The following SETD3 variants were observed in gnomAD, a reference collection of about 807,000 sequenced individuals.
SETD3 encodes SET domain containing 3, actin N3(tau)-histidine methyltransferase, also known as actin-histidine N-methyltransferase.
In SETD3, 19 loss-of-function variants were observed where a neutral mutation model predicts 63.0. The ratio of observed to expected loss-of-function variants is 0.30; its 90% CI spans 0.21 to 0.44. The LOEUF (loss-of-function observed/expected upper bound fraction) is 0.44. Ranked by LOEUF, SETD3 falls within the 20% of genes least tolerant of loss-of-function variation. The pLI, the probability that SETD3 is intolerant of heterozygous loss-of-function variation, is 1.00. For synonymous variants in SETD3, 286 were observed against 264.1 expected, an observed-to-expected ratio of 1.08 and a Z score of -0.80; for missense variants, 587 against 728.5, an observed-to-expected ratio of 0.81 and a Z score of 2.24.
intron 6 of SETD3, among the ~76,000 whole-genome samples, chr14:99,426,126 C>G (rs953394676): frequency 6.6e-6 from 1 of 152,164 alleles, no homozygotes; most frequent in African/African-American, 2.4e-5. Context: ...ATCCGCCCCC[C>G]CATCCACTTA....
chr14:99,457,174 C>T (rs1208889911), intron 6 of SETD3, among the ~76,000 whole-genome samples: 1 of 152,202 alleles, frequency 6.6e-6, no homozygotes, highest in Non-Finnish European at 1.5e-5. Context: ...TTTGATTTGG[C>T]TTCATCAATA....
intron 8 of SETD3, among the ~76,000 whole-genome samples, chr14:99,409,628 C>G (rs895955956): frequency 1.3e-5 from 2 of 151,842 alleles, no homozygotes; most frequent in Non-Finnish European, 2.9e-5. Context: ...ACACACACAT[C>G]CCTAAGATGG....
intron 4 of SETD3, 27 bp downstream of exon 4, chr14:99,461,165 C>T (rs776822741): frequency 4.3e-6 from 7 of 1,613,058 alleles, no homozygotes; most frequent in Non-Finnish European, 5.9e-6. Context: ...ACATAGACCC[C>T]TTGAGACCAA....
chr14:99,432,894 G>C (rs1206944823), intron 6 of SETD3, among the ~76,000 whole-genome samples: 1 of 152,164 alleles, frequency 6.6e-6, no homozygotes, highest in Admixed American at 6.5e-5. Context: ...TCTTGGTGGA[G>C]AACCGGTGGG....
intron 2 of SETD3, 61 bp from the exon 3 acceptor site, chr14:99,463,639 G>T: frequency 7.5e-7 from 1 of 1,335,786 alleles, no homozygotes; most frequent in Non-Finnish European, 1.1e-6. Context: ...CTACTAGTCT[G>T]CACAAGAAAG....
At chr14:99,399,302 C>T (rs1333729058) in intron 12 of SETD3, among the ~76,000 whole-genome samples, 177 bp from the exon 13 acceptor site, 1 of 152,130 alleles carries the variant, frequency 6.6e-6, no homozygotes, top group Non-Finnish European at 1.5e-5. Context: ...ACGTACGCTT[C>T]AGAAGTATGC....
chr14:99,424,893 G>A (rs766225134), intron 6 of SETD3, among the ~76,000 whole-genome samples: 2 of 152,038 alleles, frequency 1.3e-5, no homozygotes, highest in Admixed American at 6.6e-5. Context: ...GAGACTCACC[G>A]GCCAGGCTGA....
chr14:99,468,905 G>T (rs1386843337), intron 1 of SETD3, among the ~76,000 whole-genome samples: 1 of 152,132 alleles, frequency 6.6e-6, no homozygotes, highest in African/African-American at 2.4e-5. Flanking sequence ...CACATGGCAG[G>T]TGCTACACAG....
At chr14:99,437,826 T>A (rs1893573375) in intron 6 of SETD3, among the ~76,000 whole-genome samples, 1 of 152,218 alleles carries the variant, frequency 6.6e-6, no homozygotes, top group Non-Finnish European at 1.5e-5. Context: ...CTACATTAAC[T>A]GAAATTCTTC....
Position 99,458,666 on chromosome 14 carries a change from A to G in SETD3, c.419-131T>C, listed in dbSNP as rs564566089. 1.0e-4 allele frequency: 114 copies of G among 1,144,860 alleles called. No individual in the cohort carries two copies. The African/African-American group carries it at 1.7e-3, about 17-fold the overall frequency. 70.9% of individuals were successfully genotyped at this position (1,144,860 alleles called of 1,614,324 possible). A position where few individuals can be genotyped will look rare whatever the true frequency, so the allele number is the denominator to read the frequency against. ...TTAAAGTCAGGTACAGGCTGGGCGC[A>G]GTGGCTCACACCTGTAATCCTAGCA... On this transcript the variant is annotated intron_variant, in intron 5 of 12. Transcript: ENST00000331768.
intron 6 of SETD3, among the ~76,000 whole-genome samples, chr14:99,445,051 G>T (rs1290301452): frequency 6.6e-6 from 1 of 152,148 alleles, no homozygotes; most frequent in Non-Finnish European, 1.5e-5. Context: ...ACAGTGTTCA[G>T]GCCATATCAA....
chr14:99,442,346 CTG>C (rs1300126859), intron 6 of SETD3, among the ~76,000 whole-genome samples: 1 of 152,226 alleles, frequency 6.6e-6, no homozygotes, highest in African/African-American at 2.4e-5. Flanking sequence ...AGCACCATCT[CTG>C]TGTTGGGCAC....
chr14:99,427,900 T>C (rs558852117), intron 6 of SETD3, among the ~76,000 whole-genome samples: 2 of 151,878 alleles, frequency 1.3e-5, no homozygotes, highest in South Asian at 4.2e-4. Context: ...ACAGAGGAGG[T>C]GGCATGCGAG....
At chr14:99,413,238 G>C in intron 7 of SETD3, 173 bp from the exon 8 acceptor site, 2 of 576,354 alleles carry the variant, frequency 3.5e-6, no homozygotes, top group South Asian at 2.1e-5. Flanking sequence ...CCCAGGGTTT[G>C]AAAGAGCCAG....
At chr14:99,428,247 T>A (rs1892990303) in intron 6 of SETD3, among the ~76,000 whole-genome samples, 1 of 152,180 alleles carries the variant, frequency 6.6e-6, no homozygotes. Flanking sequence ...TTGAGAGGTG[T>A]CAGTAAGTTA....
chr14:99,435,448 T>C (rs1893424944), intron 6 of SETD3, among the ~76,000 whole-genome samples: 1 of 152,154 alleles, frequency 6.6e-6, no homozygotes, highest in African/African-American at 2.4e-5. Context: ...GCTTGTCAAC[T>C]AGGGATTCAA....
chr14:99,415,936 G>C (rs1436316456), intron 6 of SETD3, among the ~76,000 whole-genome samples: 1 of 152,096 alleles, frequency 6.6e-6, no homozygotes, highest in Non-Finnish European at 1.5e-5. Flanking sequence ...ATTTCCCAGG[G>C]CAAGGCCTTT....
intron 3 of SETD3, among the ~76,000 whole-genome samples, chr14:99,461,649 T>G (rs1895069707): frequency 6.6e-6 from 1 of 152,236 alleles, no homozygotes; most frequent in African/African-American, 2.4e-5. Context: ...CTATTACCAC[T>G]ACTATGATTT....
At chr14:99,439,584 T>G (rs1222202582) in intron 6 of SETD3, among the ~76,000 whole-genome samples, 4 of 148,402 alleles carry the variant, frequency 2.7e-5, no homozygotes, top group African/African-American at 9.8e-5. Context: ...TATTTATATA[T>G]AAATATAGAA....
Sources: allele counts gnomAD v4.1 joint callset (sites outside exome capture counted in the v4.1 genomes callset), GRCh38; gene constraint gnomAD v4.1.1; transcripts MANE v1.5; gene names NCBI Gene and HGNC (gene_info 2026-07-23, HGNC 2026-07-21).